FAM209A: variants seen among roughly 807,000 people sequenced by gnomAD.
The protein encoded by FAM209A is family with sequence similarity 209 member A.
A neutral mutation model predicts 9.8 loss-of-function variants in FAM209A; 4 were observed. That is an observed-to-expected ratio of 0.41 (90% confidence interval 0.20 to 0.94). FAM209A has a LOEUF of 0.94. Among genes scored for constraint, FAM209A ranks in the 40% least tolerant of loss-of-function variants. The pLI, the probability that FAM209A is intolerant of heterozygous loss-of-function variation, is 0.32. For missense variants in FAM209A, 205 were observed against 209.4 expected (o/e 0.98, Z 0.13); for synonymous variants, 55 against 77.8 (o/e 0.71, Z 1.54).
chr20:56,525,173 G>T, intron 1 of FAM209A, 116 bp downstream of exon 1: 1 of 1,432,340 alleles, frequency 7.0e-7, no homozygotes. Context: ...CGACCTCATG[G>T]TCCTGGGCAA....
At chr20:56,531,493 G>A in the FAM209A span, among the ~76,000 whole-genome samples, 1 of 151,258 alleles carries the variant, frequency 6.6e-6, no homozygotes, top group African/African-American at 2.4e-5. Context: ...TAGAGATGGG[G>A]TTTCTCCATG....
At chr20:56,529,720 T>C (rs1985676496), downstream of FAM209A, among the ~76,000 whole-genome samples, 1 of 151,956 alleles carries the variant, frequency 6.6e-6, no homozygotes, top group South Asian at 2.1e-4. Context: ...TCCCAGCTAC[T>C]CAGGAGGCTG....
At chr20:56,530,739 C>T (rs923550301), downstream of FAM209A, among the ~76,000 whole-genome samples, 1 of 151,010 alleles carries the variant, frequency 6.6e-6, no homozygotes, top group Non-Finnish European at 1.5e-5. Flanking sequence ...GAACTCCTGA[C>T]CTCAGATGAT....
chr20:56,531,245 T>G, the FAM209A span, among the ~76,000 whole-genome samples: 1 of 152,030 alleles, frequency 6.6e-6, no homozygotes, highest in African/African-American at 2.4e-5. Flanking sequence ...AGTCCCCTTG[T>G]GCTCGTCTCT....
chr20:56,525,543 A>G (rs1437921000), intron 1 of FAM209A, among the ~76,000 whole-genome samples: 1 of 152,076 alleles, frequency 6.6e-6, no homozygotes, highest in Non-Finnish European at 1.5e-5. Flanking sequence ...ACCACAAACA[A>G]CTCTTTCAGG....
the FAM209A span, among the ~76,000 whole-genome samples, chr20:56,531,529 G>A: frequency 5.3e-5 from 8 of 151,836 alleles, no homozygotes; most frequent in South Asian, 4.2e-4. Flanking sequence ...TCAAACTCTC[G>A]ACCTTAGGTG....
the FAM209A span, among the ~76,000 whole-genome samples, chr20:56,532,231 T>C: frequency 6.6e-6 from 1 of 151,996 alleles, no homozygotes; most frequent in African/African-American, 2.4e-5. Flanking sequence ...TACCTTGGCC[T>C]CCCAAAGTGC....
chr20:56,528,493 C>CA (rs1302052034), downstream of FAM209A, among the ~76,000 whole-genome samples: 1 of 149,586 alleles, frequency 6.7e-6, no homozygotes, highest in Non-Finnish European at 1.5e-5. Flanking sequence ...CCCAGCTACT[C>CA]AGGAGGTTGA....
At chr20:56,528,370 A>G (rs1174542036), downstream of FAM209A, among the ~76,000 whole-genome samples, 4 of 146,934 alleles carry the variant, frequency 2.7e-5, no homozygotes, top group African/African-American at 1.0e-4. Flanking sequence ...GGGAAGGCAG[A>G]TCACTTGAGC....
At chr20:56,532,718 G>A in the FAM209A span, among the ~76,000 whole-genome samples, 13 of 152,080 alleles carry the variant, frequency 8.5e-5, no homozygotes, top group South Asian at 2.3e-3. Context: ...TCTTGACCTC[G>A]TAATCTGCCC....
chr20:56,533,039 C>A, the FAM209A span: 1 of 457,904 alleles, frequency 2.2e-6, no homozygotes, highest in Non-Finnish European at 2.9e-6. Context: ...AGAAACATGA[C>A]GGCCTCTACC....
the FAM209A span, among the ~76,000 whole-genome samples, chr20:56,531,637 CT>C: frequency 6.7e-6 from 1 of 149,070 alleles, no homozygotes; most frequent in African/African-American, 2.5e-5. Context: ...ACTCTTTTTT[CT>C]TTTCTGAAAC....
downstream of FAM209A, among the ~76,000 whole-genome samples, chr20:56,527,816 G>A (rs1256653239): frequency 1.3e-5 from 2 of 152,220 alleles, no homozygotes; most frequent in African/African-American, 4.8e-5. Context: ...TTCCCGGGAA[G>A]AATATGGTGG....
downstream of FAM209A, among the ~76,000 whole-genome samples, chr20:56,528,854 T>C (rs371569238): frequency 1.9e-3 from 293 of 152,322 alleles, no homozygotes; most frequent in African/African-American, 6.5e-3. Context: ...ATATTAATTT[T>C]TGGCCCAATC....
At chr20:56,527,617 A>G (rs1985592246), downstream of FAM209A, among the ~76,000 whole-genome samples, 1 of 152,214 alleles carries the variant, frequency 6.6e-6, no homozygotes, top group Non-Finnish European at 1.5e-5. Context: ...AAAGTCACCC[A>G]GGGCGCAAGG....
downstream of FAM209A, among the ~76,000 whole-genome samples, chr20:56,527,319 A>G (rs1985571271): frequency 1.3e-5 from 2 of 151,858 alleles, no homozygotes; most frequent in Admixed American, 6.6e-5. Context: ...TCTTTTGAGC[A>G]ATTCCTTACT....
downstream of FAM209A, among the ~76,000 whole-genome samples, chr20:56,526,739 G>A (rs1029275089): frequency 4.0e-5 from 6 of 151,778 alleles, no homozygotes; most frequent in Admixed American, 1.3e-4. Flanking sequence ...TCCAGCCTGG[G>A]TGACAGAGCG....
At chr20:56,527,096 G>C (rs1267073076), downstream of FAM209A, among the ~76,000 whole-genome samples, 1 of 152,132 alleles carries the variant, frequency 6.6e-6, no homozygotes, top group Admixed American at 6.5e-5. Flanking sequence ...TTGCCTAATG[G>C]TGATTTCTAT....
At chr20:56,526,283 A>G (rs569104312), downstream of FAM209A, 48 of 604,398 alleles carry the variant, frequency 7.9e-5, no homozygotes, top group Admixed American at 4.3e-4. Flanking sequence ...GGGTGGTGAG[A>G]AGAACACCGA....
Sources: allele counts gnomAD v4.1 joint callset (sites outside exome capture counted in the v4.1 genomes callset), GRCh38; gene constraint gnomAD v4.1.1; transcripts MANE v1.5; gene names NCBI Gene and HGNC (gene_info 2026-07-23, HGNC 2026-07-21).